Variants in COL18A1 observed in about 807,000 individuals in gnomAD.
COL18A1 encodes collagen alpha-1(XVIII) chain.
In COL18A1, 133 loss-of-function variants were observed where a neutral mutation model predicts 168.0. The observed-to-expected ratio is 0.79, with a 90% CI of 0.69 to 0.91. The LOEUF (loss-of-function observed/expected upper bound fraction) is 0.91, where lower values mean the gene tolerates loss of function less well. Among genes scored for constraint, COL18A1 ranks in the 40% least tolerant of loss-of-function variants. COL18A1 has a pLI of 0.00. For synonymous variants in COL18A1, 949 were observed against 809.0 expected, an observed-to-expected ratio of 1.17 and a Z score of -2.94; for missense variants, 2,126 against 1,925.4, an observed-to-expected ratio of 1.10 and a Z score of -1.95.
intron 36 of COL18A1, 97 bp from the exon 37 acceptor site, chr21:45,505,741 G>C: frequency 9.7e-7 from 1 of 1,027,016 alleles, no homozygotes; most frequent in South Asian, 1.4e-5. Context: ...AAGCCCTGCG[G>C]CCCCTGCCCA....
chr21:45,431,553 G>A (rs1243705876), intron 2 of COL18A1, among the ~76,000 whole-genome samples: 6 of 149,270 alleles, frequency 4.0e-5, no homozygotes, highest in Non-Finnish European at 7.4e-5. Context: ...CCCAGGGGAG[G>A]GGGGCAGGCA....
intron 20 of COL18A1, 51 bp downstream of exon 20, chr21:45,490,397 G>A: frequency 7.3e-7 from 1 of 1,378,514 alleles, no homozygotes. Context: ...GAGCCCTGAA[G>A]GGACTATGCT....
intron 2 of COL18A1, among the ~76,000 whole-genome samples, chr21:45,450,183 G>C (rs2034590273): frequency 6.6e-6 from 1 of 152,156 alleles, no homozygotes; most frequent in African/African-American, 2.4e-5. Flanking sequence ...CTGGTCCCTG[G>C]GGAAGGAGGG....
At chr21:45,413,173 G>A (rs761334786) in intron 2 of COL18A1, among the ~76,000 whole-genome samples, 3 of 152,200 alleles carry the variant, frequency 2.0e-5, no homozygotes, top group African/African-American at 4.8e-5. Flanking sequence ...GCAGAGCCCC[G>A]TAGGAGGGAC....
At chr21:45,484,140 T>TGAGC (rs2036003546) in intron 15 of COL18A1, among the ~76,000 whole-genome samples, 1 of 85,676 alleles carries the variant, frequency 1.2e-5, no homozygotes. Context: ...CCAGCGTATG[T>TGAGC]ACACACACAC....
intron 3 of COL18A1, among the ~76,000 whole-genome samples, chr21:45,470,888 G>T (rs887726074): frequency 1.1e-4 from 17 of 151,350 alleles, no homozygotes; most frequent in Non-Finnish European, 1.8e-4. Flanking sequence ...GGAACAGGAG[G>T]GAGCTAGAGG....
chr21:45,507,411 C>T (rs957637475), intron 37 of COL18A1, 150 bp from the exon 38 acceptor site: 29 of 650,730 alleles, frequency 4.5e-5, no homozygotes, highest in Non-Finnish European at 7.2e-5. Flanking sequence ...CTGGCACAGG[C>T]TTGGAGGGGC....
chr21:45,441,476 G>A (rs909332686), intron 2 of COL18A1, among the ~76,000 whole-genome samples: 4 of 152,146 alleles, frequency 2.6e-5, no homozygotes, highest in Admixed American at 6.5e-5. Flanking sequence ...GCCTCGGGAC[G>A]CTTGAACCCA....
chr21:45,471,050 C>T lies in COL18A1; in HGVS notation c.651+2264C>T, dbSNP rs1372187532. 1.5e-5 allele frequency among the ~76,000 whole-genome samples: 2 copies of T among 135,944 alleles called. No homozygotes were observed. Among genetic ancestry groups the T allele is most frequent in the African/African-American group, 5.2e-5 (2 of 38,226 alleles). 89.2% of individuals were successfully genotyped at this position (135,944 alleles called of 152,430 possible). ...CTTGTGCTGCTGGGTGTGGGTGGCG[C>T]GCTACGGGCCTTGTGCTGCTGGGCC... On this transcript the variant is annotated intron_variant, in intron 3 of 41. Transcript: ENST00000651438. The surrounding 1 kb of genome is among the most constrained non-coding windows in gnomAD (Gnocchi z 4.4).
intron 2 of COL18A1, among the ~76,000 whole-genome samples, chr21:45,430,611 C>G (rs766634342): frequency 6.6e-6 from 1 of 152,110 alleles, no homozygotes; most frequent in Non-Finnish European, 1.5e-5. Context: ...GCTGATGGAG[C>G]GCGTGGGTGG....
intron 2 of COL18A1, among the ~76,000 whole-genome samples, chr21:45,441,116 T>G (rs981790249): frequency 1.3e-5 from 2 of 152,078 alleles, no homozygotes; most frequent in Admixed American, 1.3e-4. Context: ...ACAACAGACT[T>G]TCCCATCTCC....
At chr21:45,497,731 G>A in intron 32 of COL18A1, 70 bp downstream of exon 32, 1 of 1,544,746 alleles carries the variant, frequency 6.5e-7, no homozygotes, top group East Asian at 2.4e-5. Context: ...GTCACACCTA[G>A]AGCCGCCACC....
chr21:45,414,008 C>G (rs963754715), intron 2 of COL18A1, among the ~76,000 whole-genome samples: 2 of 152,242 alleles, frequency 1.3e-5, no homozygotes, highest in Admixed American at 1.3e-4. Context: ...TGCACCTGAA[C>G]CATCTCTGCT....
intron 2 of COL18A1, among the ~76,000 whole-genome samples, chr21:45,438,239 C>G (rs1022881952): frequency 8.3e-6 from 1 of 119,998 alleles, no homozygotes; most frequent in Non-Finnish European, 1.7e-5. Flanking sequence ...GACACACAGG[C>G]ACTCTCCTGC....
intron 2 of COL18A1, among the ~76,000 whole-genome samples, chr21:45,410,251 C>T (rs908717006): frequency 1.5e-4 from 13 of 85,120 alleles, no homozygotes; most frequent in South Asian, 4.9e-4. Context: ...CTCGCCACCT[C>T]GGGGCTGATC....
At chr21:45,439,839 C>T (rs920160264) in intron 2 of COL18A1, among the ~76,000 whole-genome samples, 15 of 152,256 alleles carry the variant, frequency 9.9e-5, no homozygotes, top group African/African-American at 3.6e-4. Context: ...GTGCTCAGTG[C>T]GAGCCTGTGA....
chr21:45,428,044 G>A (rs916799910), intron 2 of COL18A1, among the ~76,000 whole-genome samples: 9 of 152,182 alleles, frequency 5.9e-5, no homozygotes, highest in African/African-American at 1.9e-4. Context: ...CACTGCTCGC[G>A]CCGGCCAAGG....
In COL18A1 at chr21:45,425,632, G is replaced by T. The variant is rs550783864; in HGVS notation, c.106+20159G>T. On this transcript the variant is annotated intron_variant, in intron 2 of 41. Coordinates refer to ENST00000651438, the MANE Select transcript of COL18A1 (RefSeq NM_001379500.1). This position sits in a 1 kb window ranked among gnomAD's most constrained non-coding sequence, Gnocchi z 4.1. The stretch of plus-strand genomic sequence containing the variant: ...GGGGTCCTGTGTCTGGAGTCAGAGG[G>T]TCCCTCTCGTCGTCCAGCCTCCCCG... Among the ~76,000 whole-genome samples the T allele has an allele frequency of 5.8e-4, 88 of 152,254 alleles. No homozygotes were observed. The highest frequency in any genetic ancestry group is 1.1e-3 in the Admixed American group (17 of 15,292).
chr21:45,427,037 T>C (rs1282644397), intron 2 of COL18A1, among the ~76,000 whole-genome samples: 2 of 152,200 alleles, frequency 1.3e-5, no homozygotes, highest in African/African-American at 4.8e-5. Flanking sequence ...ACACCCCAGC[T>C]TCACGCTCAC....
Sources: gnomAD v4.1 joint callset for allele counts (sites outside exome capture counted in the v4.1 genomes callset) on GRCh38, gnomAD v4.1.1 for gene constraint, Gnocchi (gnomAD v3.1) non-coding constraint, MANE v1.5 for transcripts, NCBI Gene and HGNC (gene_info 2026-07-23, HGNC 2026-07-21) for gene names.